Variants in SASH1 observed in about 807,000 individuals in gnomAD.
SASH1 encodes SAM and SH3 domain-containing protein 1.
Under a neutral mutation model 125.2 loss-of-function variants are expected in SASH1, and 44 were observed. The ratio of observed to expected loss-of-function variants is 0.35; its 90% CI spans 0.28 to 0.45. The LOEUF (loss-of-function observed/expected upper bound fraction) is 0.45. Among genes scored for constraint, SASH1 ranks in the 20% least tolerant of loss-of-function variants. The pLI, the probability that SASH1 is intolerant of heterozygous loss-of-function variation, is 1.00. For synonymous variants in SASH1, 639 were observed against 649.1 expected (o/e 0.98, Z 0.24); for missense variants, 1,426 against 1,614.5 (o/e 0.88, Z 2.00).
the SASH1 span, among the ~76,000 whole-genome samples, chr6:148,265,975 CT>C: frequency 4.8e-3 from 699 of 145,224 alleles, 2 homozygotes; most frequent in African/African-American, 9.8e-3. Context: ...TTCAGCAATT[CT>C]TTTTTTTTTT....
intron 6 of SASH1, among the ~76,000 whole-genome samples, chr6:148,472,868 C>T (rs946063195): frequency 2.0e-5 from 3 of 152,132 alleles, no homozygotes; most frequent in Non-Finnish European, 2.9e-5. Flanking sequence ...GGCATCCTAA[C>T]GATATTGGAA....
chr6:148,517,427 A>G (rs144590311), intron 9 of SASH1, among the ~76,000 whole-genome samples: 99 of 152,298 alleles, frequency 6.5e-4, no homozygotes, highest in African/African-American at 2.3e-3. Context: ...ACGTGAAGCA[A>G]ATCACAGCAA....
chr6:148,230,911 T>C, the SASH1 span, among the ~76,000 whole-genome samples: 26,653 of 152,196 alleles, frequency 0.18, 2,774 homozygotes, highest in African/African-American at 0.3. Context: ...GCAAATATTT[T>C]CTCCCATTCT....
At chr6:148,398,262 C>A (rs779303757) in intron 2 of SASH1, among the ~76,000 whole-genome samples, 1 of 152,194 alleles carries the variant, frequency 6.6e-6, no homozygotes, top group Non-Finnish European at 1.5e-5. Context: ...GAATAAATTG[C>A]CATTTTGCAA....
At chr6:148,472,007 A>C (rs777748540) in intron 6 of SASH1, among the ~76,000 whole-genome samples, 9 of 152,188 alleles carry the variant, frequency 5.9e-5, no homozygotes, top group Non-Finnish European at 8.8e-5. Flanking sequence ...GGCTTTGTGA[A>C]GGGAGTTCTG....
chr6:148,527,628 GTTCTTCCTGACAAGAAAAGCTGAGAAT>G (rs754040346), intron 12 of SASH1, 32 bp downstream of exon 12: 10 of 1,578,200 alleles, frequency 6.3e-6, no homozygotes, highest in Non-Finnish European at 8.6e-6. Context: ...TGTTCCCTTG[GTTCTTCCTGACAAGAAAAGCTGAGAAT>G]GGCCCTTCTG....
chr6:148,366,060 C>G (rs774621196), intron 1 of SASH1, among the ~76,000 whole-genome samples: 1 of 151,850 alleles, frequency 6.6e-6, no homozygotes, highest in Non-Finnish European at 1.5e-5. Context: ...TTGCGGTGAG[C>G]CGAGGTGGCA....
At chr6:148,200,507 G>A in the SASH1 span, among the ~76,000 whole-genome samples, 1 of 152,220 alleles carries the variant, frequency 6.6e-6, no homozygotes, top group Non-Finnish European at 1.5e-5. Flanking sequence ...GTGTGATTCT[G>A]GATGCAATTC....
intron 1 of SASH1, among the ~76,000 whole-genome samples, chr6:148,376,573 C>T (rs955644177): frequency 2.1e-4 from 32 of 152,022 alleles, no homozygotes; most frequent in African/African-American, 7.2e-4. Context: ...TTACAACACC[C>T]GAACCAGGCC....
intron 1 of SASH1, among the ~76,000 whole-genome samples, chr6:148,368,770 G>GCACGCACACACACACACACACACACA (rs1554245333): frequency 0.019 from 2,558 of 135,588 alleles, 56 homozygotes; most frequent in Admixed American, 0.025. Context: ...GCACGCGCGC[G>GCACGCACACACACACACACACACACA]CACACACACA....
the SASH1 span, among the ~76,000 whole-genome samples, chr6:148,202,018 GC>G: frequency 6.6e-6 from 1 of 151,950 alleles, no homozygotes; most frequent in Non-Finnish European, 1.5e-5. Context: ...TTATCTCTTA[GC>G]CCCCACCGAG....
upstream of SASH1, among the ~76,000 whole-genome samples, chr6:148,340,490 CAAA>C (rs67188759): frequency 2.3e-4 from 27 of 117,300 alleles, no homozygotes; most frequent in East Asian, 6.8e-4. Context: ...GACTCTGTCT[CAAA>C]AAAAAAAAAA....
At position 148,535,468 on chromosome 6, in the gene SASH1, T is replaced by TCACTAACAC. The variant is rs1374368664; in HGVS notation, c.2095+567_2095+568insCACTAACAC. On this transcript the variant is annotated intron_variant, in intron 16 of 19. Transcript: ENST00000367467. ...AGCACACGAGGAGTTGTGTTCTTAT[T>TCACTAACAC]GAATAGACTGGTTAGTGAATAAATG... Among the ~76,000 whole-genome samples, 6 of 152,332 alleles carry TCACTAACAC rather than the reference T, an allele frequency of 3.9e-5. No individual in the cohort carries two copies. The South Asian group carries it at 6.2e-4, about 16-fold the overall frequency.
At chr6:148,437,872 G>A (rs1487758014) in intron 2 of SASH1, among the ~76,000 whole-genome samples, 1 of 152,176 alleles carries the variant, frequency 6.6e-6, no homozygotes, top group Non-Finnish European at 1.5e-5. Flanking sequence ...GTATGCAGGG[G>A]CAGGTACGTT....
At position 148,544,105 on chromosome 6, in the gene SASH1, G is replaced by T; in HGVS notation, c.2635G>T (p.Ala879Ser). ...GAAGACGACCGCCTCTTCCACGAAG[G>T]CCCAGCCCCTGGAGCAAGACTCTGC... ...PQKTTASSTK[A>S]QPLEQDSAVD... The change falls in exon 18 of 20, where the codon GCC (alanine) becomes TCC (serine). Residue 879 changes from alanine (A) to serine (S), a missense_variant. By Grantham distance (99) the Ala-to-Ser change is moderately conservative. Around this residue, in one of 3 missense-constraint regions of SASH1, gnomAD observed 634 missense variants for 694.4 expected, o/e 0.91. Coordinates refer to ENST00000367467, the MANE Select transcript of SASH1 (RefSeq NM_015278.5). The surrounding 1 kb of genome is among the most constrained non-coding windows in gnomAD (Gnocchi z 6.4). The T allele has an allele frequency of 6.2e-7, 1 of 1,614,036 alleles. No homozygotes were observed.
chr6:148,532,781 T>C lies in SASH1; in HGVS notation c.1565-16T>C. 6.2e-7 allele frequency: 1 copy of C among 1,613,754 alleles called. No individual in the cohort carries two copies. The highest frequency in any genetic ancestry group is 8.5e-7 in the Non-Finnish European group (1 of 1,179,790). ...AATCTGGATCTACCCGTGTTCTTCCTATGTTTCCTGTACAGGCGGTCAAAC... is the reference window on the plus strand; with the variant it reads ...AATCTGGATCTACCCGTGTTCTTCCCATGTTTCCTGTACAGGCGGTCAAAC... On this transcript the variant is annotated splice_polypyrimidine_tract_variant and intron_variant, in intron 13 of 19. Coordinates refer to ENST00000367467, the MANE Select transcript of SASH1 (RefSeq NM_015278.5). This position sits in a 1 kb window ranked among gnomAD's most constrained non-coding sequence, Gnocchi z 4.7.
intron 1 of SASH1, chr6:148,283,483 G>T (rs1779399908): frequency 6.6e-6 from 1 of 151,920 alleles, no homozygotes; most frequent in Non-Finnish European, 1.5e-5. Flanking sequence ...AAGAACAAGA[G>T]TATTCCGGCT....
chr6:148,528,987 G>A (rs941537039), intron 12 of SASH1, among the ~76,000 whole-genome samples: 32 of 152,086 alleles, frequency 2.1e-4, no homozygotes, highest in Middle Eastern at 3.4e-3. Flanking sequence ...CATAAACAGC[G>A]TGCAACCTAG....
chr6:148,358,836 C>G (rs6915758), intron 1 of SASH1, among the ~76,000 whole-genome samples: 31,315 of 149,342 alleles, frequency 0.21, 3,484 homozygotes, highest in South Asian at 0.35. Context: ...CCCGGGTTCA[C>G]GCCATTCTCC....
Sources: allele counts gnomAD v4.1 joint callset (sites outside exome capture counted in the v4.1 genomes callset), GRCh38; gene constraint gnomAD v4.1.1; regional missense constraint gnomAD v4.1.1; non-coding constraint Gnocchi (gnomAD v3.1); transcripts MANE v1.5; gene names NCBI Gene and HGNC (gene_info 2026-07-23, HGNC 2026-07-21).